The following SDK1 variants were observed in gnomAD, a reference collection of about 807,000 sequenced individuals.
SDK1 encodes the protein sidekick cell adhesion molecule 1.
A neutral mutation model predicts 245.5 loss-of-function variants in SDK1; 157 were observed. The observed-to-expected ratio is 0.64, with a 90% CI of 0.56 to 0.73. The LOEUF (loss-of-function observed/expected upper bound fraction) is 0.73. SDK1 is among the 30% of genes least tolerant of loss of function. SDK1 has a pLI of 0.00. For synonymous variants in SDK1, 1,647 were observed against 1,278.5 expected (o/e 1.29, Z -6.15); for missense variants, 3,583 against 3,002.3 (o/e 1.19, Z -4.52).
At chr7:3,961,902 C>A (rs146731385) in intron 8 of SDK1, among the ~76,000 whole-genome samples, 1 of 152,046 alleles carries the variant, frequency 6.6e-6, no homozygotes, top group East Asian at 1.9e-4. Context: ...TATGCAGGTG[C>A]ACATATACAT....
chr7:4,108,611 T>C (rs1783112889), intron 22 of SDK1, among the ~76,000 whole-genome samples: 1 of 151,134 alleles, frequency 6.6e-6, no homozygotes, highest in Non-Finnish European at 1.5e-5. Flanking sequence ...CTCCAGCTCG[T>C]TCTCTACCAA....
In SDK1 at chr7:3,586,464, G is replaced by A. The variant is rs1404769917; in HGVS notation, c.299-32616G>A. Reference sequence around the variant, plus strand: ...TGTAATCCCAGCACTTTGGGAGGCCGAGGTGGGTGGATCACGAGGTCAGGA... The same window carrying A: ...TGTAATCCCAGCACTTTGGGAGGCCAAGGTGGGTGGATCACGAGGTCAGGA... On this transcript the variant is annotated intron_variant, in intron 1 of 44. Coordinates refer to ENST00000404826, the MANE Select transcript of SDK1 (RefSeq NM_152744.4). 2.6e-5 allele frequency among the ~76,000 whole-genome samples: 4 copies of A among 151,886 alleles called. No homozygotes were observed. In the South Asian group the frequency reaches 6.3e-4, roughly 24 times the overall value.
intron 1 of SDK1, among the ~76,000 whole-genome samples, chr7:3,421,651 C>T (rs1481106685): frequency 6.6e-6 from 1 of 152,190 alleles, no homozygotes; most frequent in Non-Finnish European, 1.5e-5. Flanking sequence ...TGAGCGTCTA[C>T]AGCTAGAGAG....
intron 1 of SDK1, among the ~76,000 whole-genome samples, chr7:3,324,104 G>T (rs1351173754): frequency 6.6e-6 from 1 of 152,106 alleles, no homozygotes; most frequent in Non-Finnish European, 1.5e-5. Context: ...TCTATTCTAG[G>T]GAGATACTCA....
chr7:3,521,841 A>T (rs1206822346), intron 1 of SDK1, among the ~76,000 whole-genome samples: 1 of 152,212 alleles, frequency 6.6e-6, no homozygotes. Flanking sequence ...ATGCAGTGGA[A>T]TTTCAATTTG....
At chr7:4,005,459 G>A (rs979437929) in intron 14 of SDK1, among the ~76,000 whole-genome samples, 1 of 148,444 alleles carries the variant, frequency 6.7e-6, no homozygotes, top group Non-Finnish European at 1.5e-5. Flanking sequence ...GGGTATTGCA[G>A]GTACTTCCTG....
intron 4 of SDK1, among the ~76,000 whole-genome samples, chr7:3,651,901 C>T (rs554965292): frequency 2.0e-5 from 3 of 152,268 alleles, no homozygotes; most frequent in African/African-American, 7.2e-5. Context: ...AGTTCCGTGT[C>T]AGCTAAGCCA....
At chr7:3,653,119 G>A (rs1263784414) in intron 4 of SDK1, among the ~76,000 whole-genome samples, 2 of 152,188 alleles carry the variant, frequency 1.3e-5, no homozygotes, top group Non-Finnish European at 2.9e-5. Flanking sequence ...TGTGGGGTGA[G>A]CTTGAATCCT....
intron 1 of SDK1, among the ~76,000 whole-genome samples, chr7:3,580,521 C>T (rs918304085): frequency 1.3e-5 from 2 of 152,048 alleles, no homozygotes; most frequent in African/African-American, 4.8e-5. Context: ...TTTGACAAAG[C>T]TGACAAAAAC....
At chr7:3,946,058 A>C (rs967558704) in intron 5 of SDK1, among the ~76,000 whole-genome samples, 15 of 152,082 alleles carry the variant, frequency 9.9e-5, no homozygotes, top group African/African-American at 3.4e-4. Flanking sequence ...AGAAAAACAC[A>C]GAAAACAGAG....
intron 5 of SDK1, among the ~76,000 whole-genome samples, chr7:3,839,559 C>G (rs554568613): frequency 6.6e-6 from 1 of 152,128 alleles, no homozygotes; most frequent in Non-Finnish European, 1.5e-5. Flanking sequence ...TAAGTTTTCT[C>G]CATGCATACA....
chr7:3,457,893 G>A (rs1010261036), intron 1 of SDK1, among the ~76,000 whole-genome samples: 1 of 152,172 alleles, frequency 6.6e-6, no homozygotes, highest in African/African-American at 2.4e-5. Flanking sequence ...GAGAATGCAT[G>A]TGTAAGAAGT....
At chr7:3,979,019 G>T (rs1783187969) in intron 13 of SDK1, among the ~76,000 whole-genome samples, 1 of 152,168 alleles carries the variant, frequency 6.6e-6, no homozygotes, top group South Asian at 2.1e-4. Context: ...TGGAGGGGCG[G>T]CCCCCACACC....
chr7:4,169,686 C>G (rs186059609), intron 32 of SDK1, among the ~76,000 whole-genome samples: 39 of 152,176 alleles, frequency 2.6e-4, no homozygotes, highest in African/African-American at 9.4e-4. Context: ...TCAGTGTTTG[C>G]GTGCATTCCT....
intron 5 of SDK1, among the ~76,000 whole-genome samples, chr7:3,905,057 T>C (rs1778850692): frequency 2.6e-5 from 4 of 151,826 alleles, no homozygotes; most frequent in African/African-American, 9.7e-5. Context: ...GTCGTAACTT[T>C]TATGATATAT....
chr7:3,509,083 T>TGC (rs1047835538), intron 1 of SDK1, among the ~76,000 whole-genome samples: 57 of 125,906 alleles, frequency 4.5e-4, no homozygotes, highest in African/African-American at 1.6e-3. Flanking sequence ...TGTGTGTGTG[T>TGC]GCGTGTGTGT....
intron 10 of SDK1, among the ~76,000 whole-genome samples, chr7:3,968,000 AT>A (rs1243096928): frequency 6.6e-6 from 1 of 152,226 alleles, no homozygotes; most frequent in African/African-American, 2.4e-5. Flanking sequence ...GATTGTGCAA[AT>A]GTCACTCTTC....
At chr7:3,945,986 A>G (rs1780563197) in intron 5 of SDK1, among the ~76,000 whole-genome samples, 1 of 150,900 alleles carries the variant, frequency 6.6e-6, no homozygotes, top group South Asian at 2.1e-4. Flanking sequence ...ATATTGGAAA[A>G]AAGTAAGAAG....
intron 1 of SDK1, 23 bp from the exon 2 acceptor site, chr7:3,619,047 AGTTTTGTTTT>A (rs562681422): frequency 1.3e-6 from 2 of 1,496,264 alleles, no homozygotes; most frequent in East Asian, 5.0e-5. Flanking sequence ...TGCGTACTTC[AGTTTTGTTTT>A]GTTTTGTTTT....
Sources: gnomAD v4.1 joint callset for allele counts (sites outside exome capture counted in the v4.1 genomes callset) on GRCh38, gnomAD v4.1.1 for gene constraint, MANE v1.5 for transcripts, NCBI Gene and HGNC (gene_info 2026-07-23, HGNC 2026-07-21) for gene names.